Variants in TUBGCP2 observed in about 807,000 individuals in gnomAD.
The protein encoded by TUBGCP2 is tubulin gamma complex component 2.
Under a neutral mutation model 92.2 loss-of-function variants are expected in TUBGCP2, and 55 were observed. The observed-to-expected ratio is 0.60, with a 90% CI of 0.48 to 0.75. The LOEUF (loss-of-function observed/expected upper bound fraction) is 0.75. TUBGCP2 is among the 30% of genes least tolerant of loss of function. The pLI is 0.00. For synonymous variants in TUBGCP2, 533 were observed against 505.2 expected (o/e 1.06, Z -0.74); for missense variants, 1,093 against 1,188.9 (o/e 0.92, Z 1.19).
chr10:133,301,700 C>CTTTTTTTTTTTT (rs71016439), intron 2 of TUBGCP2: 26 of 87,254 alleles, frequency 3.0e-4, no homozygotes, highest in African/African-American at 1.3e-3. Context: ...CAGTCCCTCC[C>CTTTTTTTTTTTT]TTTTTTTTTT....
chr10:133,279,546 G>T lies in TUBGCP2; in HGVS notation c.*220C>A. The T allele has an allele frequency of 1.5e-6, 1 of 653,178 alleles. No individual in the cohort carries two copies. The highest frequency in any genetic ancestry group is 2.4e-6 in the Non-Finnish European group (1 of 418,264). 40.5% of individuals were successfully genotyped at this position (653,178 alleles called of 1,614,324 possible). Reference sequence around the variant, plus strand: ...AAAGGTGATAGTGTAATTTCAAAAAGCAAACAGATTAGCAAATCCAGGGAG... The same window carrying T: ...AAAGGTGATAGTGTAATTTCAAAAATCAAACAGATTAGCAAATCCAGGGAG... On this transcript the variant is annotated 3_prime_UTR_variant, in exon 18 of 18. Coordinates refer to ENST00000252936, the MANE Select transcript of TUBGCP2 (RefSeq NM_006659.4).
upstream of TUBGCP2, chr10:133,309,987 A>G (rs369626267): frequency 7.9e-5 from 127 of 1,612,232 alleles, no homozygotes; most frequent in Non-Finnish European, 1.0e-4. Flanking sequence ...GGTGGGTGAC[A>G]ACTGCACAGC....
chr10:133,291,833 C>CT (rs769870297), intron 8 of TUBGCP2, among the ~76,000 whole-genome samples: 8 of 10,578 alleles, frequency 7.6e-4, no homozygotes, highest in Non-Finnish European at 1.1e-3. Context: ...CTCCGTGTCC[C>CT]CCATGTCCCT....
upstream of TUBGCP2, chr10:133,309,906 C>T: frequency 6.2e-7 from 1 of 1,613,670 alleles, no homozygotes; most frequent in Non-Finnish European, 8.5e-7. Context: ...CCCTTCCGGA[C>T]ACCTGCTGGA....
At position 133,288,247 on chromosome 10, in the gene TUBGCP2, G is replaced by C. The variant is rs1400757650; in HGVS notation, c.1604C>G (p.Ala535Gly). The C allele has an allele frequency of 6.2e-7, 1 of 1,613,726 alleles. No individual in the cohort carries two copies. Among genetic ancestry groups the C allele is most frequent in the South Asian group, 1.1e-5 (1 of 91,092 alleles). Reference sequence around the variant, plus strand: ...CACCGGCTTCCGGAGCTCCTCCTCCGCGAGGTCCATGAAGTGCACGAAGAA... The same window carrying C: ...CACCGGCTTCCGGAGCTCCTCCTCCCCGAGGTCCATGAAGTGCACGAAGAA... ...GDFFVHFMDL[A>G]EEELRKPVED... Residue 535 changes from alanine to glycine, a missense_variant, in exon 11 of 18, where the codon GCG becomes GGG. Physicochemically the swap from Ala to Gly is moderately conservative, Grantham distance 60. This residue lies in a region of TUBGCP2 where 598 missense variants were observed against 675.5 expected (regional missense o/e 0.89). Coordinates refer to ENST00000252936, the MANE Select transcript of TUBGCP2 (RefSeq NM_006659.4).
In TUBGCP2 at chr10:133,285,595, G is replaced by A; in HGVS notation, c.1756C>T (p.Leu586Phe). 1 of 1,540,436 alleles carries A rather than the reference G, an allele frequency of 6.5e-7. No individual in the cohort carries two copies. The highest frequency in any genetic ancestry group is 8.8e-7 in the Non-Finnish European group (1 of 1,141,770). ...GTCTCGATGGCCAGGACGCGCAAGA[G>A]CTGAGTGATGAGGTCATGGGGCATC... ...DLMPHDLITQLLRVLAIETKQ... is the reference protein window; with the variant it reads ...DLMPHDLITQFLRVLAIETKQ... The change falls in exon 12 of 18, where the codon CTC (leucine) becomes TTC (phenylalanine). Residue 586 changes from leucine to phenylalanine, a missense_variant. Physicochemically the swap from Leu to Phe is conservative, Grantham distance 22. This residue lies in a region of TUBGCP2 where 598 missense variants were observed against 675.5 expected (regional missense o/e 0.89). Coordinates refer to ENST00000252936, the MANE Select transcript of TUBGCP2 (RefSeq NM_006659.4). This position sits in a 1 kb window ranked among gnomAD's most constrained non-coding sequence, Gnocchi z 6.8.
chr10:133,284,316 A>G (rs1847073320), intron 13 of TUBGCP2, among the ~76,000 whole-genome samples: 1 of 152,216 alleles, frequency 6.6e-6, no homozygotes, highest in South Asian at 2.1e-4. Flanking sequence ...GTGCCACACA[A>G]CAGATGCATA....
chr10:133,307,304 A>AG (rs1349274561), intron 1 of TUBGCP2, among the ~76,000 whole-genome samples: 1 of 152,214 alleles, frequency 6.6e-6, no homozygotes, highest in Non-Finnish European at 1.5e-5. Context: ...ACGCGTGCTG[A>AG]GGGAAGCAAT....
chr10:133,309,047 G>A (rs2136149580), upstream of TUBGCP2: 2 of 1,275,636 alleles, frequency 1.6e-6, no homozygotes, highest in African/African-American at 1.5e-5. Flanking sequence ...GCGCCCTTTC[G>A]CTTCGTTGCG....
chr10:133,289,631 A>G (rs1379120624), intron 9 of TUBGCP2, among the ~76,000 whole-genome samples, 193 bp downstream of exon 9: 1 of 152,194 alleles, frequency 6.6e-6, no homozygotes, highest in Non-Finnish European at 1.5e-5. Flanking sequence ...AACAGAGACC[A>G]TCTCAAGGCC....
chr10:133,295,902 A>G (rs1847477226), intron 5 of TUBGCP2: 2 of 152,746 alleles, frequency 1.3e-5, no homozygotes, highest in Admixed American at 1.3e-4. Context: ...AGTGAGCTCC[A>G]TTCTCAAGTC....
At chr10:133,293,531 C>T in intron 6 of TUBGCP2, 31 bp downstream of exon 6, 1 of 1,547,142 alleles carries the variant, frequency 6.5e-7, no homozygotes, top group Non-Finnish European at 8.7e-7. Context: ...CACAACAGCG[C>T]AGGCTCCCAG....
chr10:133,311,090 C>T (rs1847980583), upstream of TUBGCP2, among the ~76,000 whole-genome samples: 1 of 152,218 alleles, frequency 6.6e-6, no homozygotes, highest in South Asian at 2.1e-4. Context: ...GTATGAGCTA[C>T]CATGTCCAGC....
intron 2 of TUBGCP2, among the ~76,000 whole-genome samples, chr10:133,301,387 A>C (rs1241782854): frequency 2.6e-5 from 4 of 152,260 alleles, no homozygotes; most frequent in African/African-American, 9.6e-5. Context: ...GGCCTCCCAA[A>C]GGGCTGGGAT....
upstream of TUBGCP2, chr10:133,309,654 G>A: frequency 3.8e-6 from 5 of 1,320,084 alleles, no homozygotes; most frequent in East Asian, 2.3e-5. Context: ...ATAAAAAGAG[G>A]GTTTGGGATT....
chr10:133,279,957 G>T, intron 17 of TUBGCP2, 56 bp from the exon 18 acceptor site: 1 of 1,577,742 alleles, frequency 6.3e-7, no homozygotes, highest in South Asian at 1.2e-5. Flanking sequence ...GTGCATGCTG[G>T]GCAGCAGGGG....
At position 133,283,225 on chromosome 10, in the gene TUBGCP2, CG is replaced by C. The variant is rs772474153; in HGVS notation, c.2146-5del. 4 of 1,614,156 alleles carry C rather than the reference CG, an allele frequency of 2.5e-6. No homozygotes were observed. The highest frequency in any genetic ancestry group is 2.2e-5 in the South Asian group (2 of 91,086). ...GGACGTCGTCAATGTTGGAGGCCTG[CG>C]GGGAACAGGCCAAGCCCCTTCTCAG... On this transcript the variant is annotated splice_region_variant and splice_polypyrimidine_tract_variant and intron_variant, in intron 14 of 17. Coordinates refer to ENST00000252936, the MANE Select transcript of TUBGCP2 (RefSeq NM_006659.4).
chr10:133,306,114 G>A lies in TUBGCP2; in HGVS notation c.-40+2709C>T, dbSNP rs144419016. ...TGCGGCACCATTGCTCCCTGGAGGT[G>A]TTAACTCTGTTATCTGGGAAATGGT... On this transcript the variant is annotated intron_variant, in intron 1 of 17. Coordinates refer to ENST00000252936, the MANE Select transcript of TUBGCP2 (RefSeq NM_006659.4). Among the ~76,000 whole-genome samples, 704 of 152,366 alleles carry A rather than the reference G, an allele frequency of 4.6e-3. 3 individuals carry two copies. The highest frequency in any genetic ancestry group is 0.016 in the African/African-American group (685 of 41,586).
chr10:133,310,326 A>G (rs1181923111), upstream of TUBGCP2: 2 of 1,611,284 alleles, frequency 1.2e-6, no homozygotes, highest in East Asian at 2.2e-5. Flanking sequence ...TCTGCTTTTG[A>G]TTTTAGGAAA....
Sources: allele counts gnomAD v4.1 joint callset (sites outside exome capture counted in the v4.1 genomes callset), GRCh38; gene constraint gnomAD v4.1.1; regional missense constraint gnomAD v4.1.1; non-coding constraint Gnocchi (gnomAD v3.1); transcripts MANE v1.5; gene names NCBI Gene and HGNC (gene_info 2026-07-23, HGNC 2026-07-21).